The following ZSCAN30 variants were observed in gnomAD, a reference collection of about 807,000 sequenced individuals.
ZSCAN30 encodes the protein zinc finger and SCAN domain-containing protein 30.
A neutral mutation model predicts 44.3 loss-of-function variants in ZSCAN30; 37 were observed. The observed-to-expected ratio is 0.84, with a 90% CI of 0.64 to 1.10. The LOEUF is 1.10. Among genes scored for constraint, ZSCAN30 ranks in the 50% least tolerant of loss-of-function variants. The pLI is 0.00. For synonymous variants in ZSCAN30, 181 were observed against 204.6 expected (o/e 0.88, Z 0.98); for missense variants, 549 against 582.6 (o/e 0.94, Z 0.59).
chr18:35,288,482 G>A (rs891160848), intron 1 of ZSCAN30, among the ~76,000 whole-genome samples: 1 of 152,150 alleles, frequency 6.6e-6, no homozygotes, highest in African/African-American at 2.4e-5. Context: ...AAAAGCATAT[G>A]TCCATATAAA....
chr18:35,268,629 G>A (rs1007233720), intron 1 of ZSCAN30: 4 of 152,448 alleles, frequency 2.6e-5, no homozygotes, highest in African/African-American at 9.6e-5. Flanking sequence ...AAGAGGGTGA[G>A]AACTAAGCTG....
intron 1 of ZSCAN30, among the ~76,000 whole-genome samples, chr18:35,276,210 G>C (rs2044364027): frequency 6.6e-6 from 1 of 151,970 alleles, no homozygotes; most frequent in Admixed American, 6.5e-5. Flanking sequence ...GGAAGAGTTT[G>C]TGAAGAACTG....
At chr18:35,275,458 A>T (rs2044352478) in intron 1 of ZSCAN30, among the ~76,000 whole-genome samples, 1 of 152,054 alleles carries the variant, frequency 6.6e-6, no homozygotes, top group Non-Finnish European at 1.5e-5. Flanking sequence ...TGATGATATA[A>T]CCTCCTTCTT....
At chr18:35,263,693 G>C (rs771899465) in intron 2 of ZSCAN30, 36 bp from the exon 3 acceptor site, 2 of 1,609,760 alleles carry the variant, frequency 1.2e-6, no homozygotes, top group Non-Finnish European at 1.7e-6. Flanking sequence ...ATCATTCTGA[G>C]GATACACAAG....
intron 3 of ZSCAN30, chr18:35,259,273 C>T (rs2043952056): frequency 6.6e-6 from 1 of 152,210 alleles, no homozygotes; most frequent in African/African-American, 2.4e-5. Context: ...CTCACTGCAA[C>T]CTCCACCTTC....
chr18:35,270,603 C>A (rs924620219), intron 1 of ZSCAN30, among the ~76,000 whole-genome samples: 3 of 152,064 alleles, frequency 2.0e-5, no homozygotes, highest in Non-Finnish European at 4.4e-5. Flanking sequence ...TTTTTTGAGA[C>A]AGGGTCTCAC....
At chr18:35,275,480 G>C (rs571281983) in intron 1 of ZSCAN30, among the ~76,000 whole-genome samples, 56 of 152,166 alleles carry the variant, frequency 3.7e-4, no homozygotes, top group African/African-American at 1.2e-3. Context: ...CCAATGAATT[G>C]GAATGTCCTC....
At chr18:35,258,046 C>T in intron 3 of ZSCAN30, 1 of 776,892 alleles carries the variant, frequency 1.3e-6, no homozygotes, top group Non-Finnish European at 2.4e-6. Context: ...ACTTATAACT[C>T]AAGGTTGTAA....
At chr18:35,260,538 T>C (rs1442542988) in intron 3 of ZSCAN30, 1 of 152,226 alleles carries the variant, frequency 6.6e-6, no homozygotes, top group African/African-American at 2.4e-5. Flanking sequence ...TTCTCGACTT[T>C]TTAATAATCG....
chr18:35,272,977 C>T (rs758308626), intron 1 of ZSCAN30, among the ~76,000 whole-genome samples: 1 of 152,196 alleles, frequency 6.6e-6, no homozygotes, highest in East Asian at 1.9e-4. Flanking sequence ...AGGGAAACCA[C>T]CCCCATGATT....
Position 35,254,238 on chromosome 18 carries a change from C to A in ZSCAN30, c.697G>T (p.Asp233Tyr). 2 of 1,614,122 alleles carry A rather than the reference C, an allele frequency of 1.2e-6. No homozygotes were observed. The highest frequency in any genetic ancestry group is 1.7e-6 in the Non-Finnish European group (2 of 1,180,002). The part of the protein sequence containing the change: ...RIAEEALGGL[D>Y]NSKKQKGNAA... ...TTTCCCTTTTGCTTCTTAGAGTTGTCCAGACCTCCCAAAGCTTCTTCAGCT... is the reference window on the plus strand; with the variant it reads ...TTTCCCTTTTGCTTCTTAGAGTTGTACAGACCTCCCAAAGCTTCTTCAGCT... The change falls in exon 4 of 4, where the codon GAC becomes TAC. Residue 233 changes from aspartate to tyrosine, a missense_variant. Transcript: ENST00000333206.
rs766770798 is a variant in ZSCAN30 at position 35,264,208 on chromosome 18, G to A, written c.145C>T (p.Gln49Ter). ...GAGTAACTAAACTGCCTGAACTTCT[G>A]CCGGAATACCTCTTGGCTCCAGGGG... ...ENPWSQEVFR[Q>*]KFRQFSYSDS... The change falls in exon 2 of 4, where the codon CAG becomes TAG. Residue 49 changes from glutamine (Q) to a stop codon, truncating the protein, a stop_gained. Transcript: ENST00000333206. LOFTEE classifies it high-confidence loss of function. 3 of 1,614,192 alleles carry A rather than the reference G, an allele frequency of 1.9e-6. No individual in the cohort carries two copies. Among genetic ancestry groups the A allele is most frequent in the South Asian group, 1.1e-5 (1 of 91,082 alleles).
At position 35,254,444 on chromosome 18, in the gene ZSCAN30, G is replaced by A. The variant is rs1247461040; in HGVS notation, c.554-63C>T. On this transcript the variant is annotated intron_variant, in intron 3 of 3. Coordinates refer to ENST00000333206, the MANE Select transcript of ZSCAN30 (RefSeq NM_001112734.4). Reference sequence around the variant, plus strand: ...TCCCATGACAGAAGAAACTGTTGTAGCAGGAACACAAACTCAATGAAATAG... The same window carrying A: ...TCCCATGACAGAAGAAACTGTTGTAACAGGAACACAAACTCAATGAAATAG... The A allele has an allele frequency of 7.4e-6, 12 of 1,611,248 alleles. No homozygotes were observed. The Admixed American group carries it at 1.2e-4, about 16-fold the overall frequency.
intron 1 of ZSCAN30, chr18:35,267,267 G>A (rs2044173922): frequency 8.9e-6 from 1 of 111,948 alleles, no homozygotes; most frequent in Middle Eastern, 4.5e-3. Context: ...AGCGCCTGAG[G>A]AGTCAGCTGA....
At chr18:35,272,552 C>T (rs1412755876) in intron 1 of ZSCAN30, among the ~76,000 whole-genome samples, 1 of 151,658 alleles carries the variant, frequency 6.6e-6, no homozygotes, top group East Asian at 1.9e-4. Flanking sequence ...TATTGGTTGG[C>T]CAGGCTGTTC....
chr18:35,263,983 C>G lies in ZSCAN30; in HGVS notation c.370G>C (p.Glu124Gln). 1 of 1,614,230 alleles carries G rather than the reference C, an allele frequency of 6.2e-7. No individual in the cohort carries two copies. Among genetic ancestry groups the G allele is most frequent in the Non-Finnish European group, 8.5e-7 (1 of 1,180,040 alleles). Residue 124 changes from glutamate to glutamine, a missense_variant, in exon 2 of 4, where the codon GAG (glutamate) becomes CAG (glutamine). Coordinates refer to ENST00000333206, the MANE Select transcript of ZSCAN30 (RefSeq NM_001112734.4). ...ENGEEAVTMLEELEKELEEPR... is the reference protein window; with the variant it reads ...ENGEEAVTMLQELEKELEEPR... ...TCCTCCAGTTCTTTTTCCAGCTCCT[C>G]CAGCATAGTCACAGCTTCCTCTCCA...
At chr18:35,284,932 G>C (rs368579403) in intron 1 of ZSCAN30, 7 of 154,954 alleles carry the variant, frequency 4.5e-5, no homozygotes, top group African/African-American at 1.7e-4. Flanking sequence ...CAAGAACACA[G>C]GGAGGCTCAG....
intron 1 of ZSCAN30, chr18:35,268,202 G>A (rs2044203176): frequency 6.6e-6 from 1 of 152,390 alleles, no homozygotes; most frequent in Non-Finnish European, 1.5e-5. Flanking sequence ...CCAAGGGGTT[G>A]GTTAGAGTGA....
At chr18:35,265,442 A>T (rs1044001143) in intron 1 of ZSCAN30, among the ~76,000 whole-genome samples, 4 of 152,252 alleles carry the variant, frequency 2.6e-5, no homozygotes, top group African/African-American at 9.6e-5. Flanking sequence ...GTCCAAGGCT[A>T]CAAACTGGTA....
Sources: allele counts gnomAD v4.1 joint callset (sites outside exome capture counted in the v4.1 genomes callset), GRCh38; gene constraint gnomAD v4.1.1; transcripts MANE v1.5; gene names NCBI Gene and HGNC (gene_info 2026-07-23, HGNC 2026-07-21).